TMEM63A: variants seen among roughly 807,000 people sequenced by gnomAD.
TMEM63A encodes transmembrane protein 63A.
In TMEM63A, 76 loss-of-function variants were observed where a neutral mutation model predicts 100.6. The observed-to-expected ratio is 0.76, with a 90% CI of 0.63 to 0.91. TMEM63A has a LOEUF of 0.91. Ranked by LOEUF, TMEM63A falls within the 40% of genes least tolerant of loss-of-function variation. The probability of loss-of-function intolerance (pLI) is 0.00; values close to 1 mark genes in which losing one functional copy is unlikely to be tolerated. For synonymous variants in TMEM63A, 401 were observed against 401.1 expected, an observed-to-expected ratio of 1.00 and a Z score of 0.00; for missense variants, 876 against 1,008.8, an observed-to-expected ratio of 0.87 and a Z score of 1.78.
intron 15 of TMEM63A, among the ~76,000 whole-genome samples, chr1:225,857,928 G>GATAGATATAC (rs1214499512): frequency 6.6e-6 from 1 of 152,204 alleles, no homozygotes; most frequent in Non-Finnish European, 1.5e-5. Flanking sequence ...TACTTAGGTA[G>GATAGATATAC]TTTAAAACTA....
intron 15 of TMEM63A, among the ~76,000 whole-genome samples, chr1:225,857,376 C>CGGGGTGG (rs1213111924): frequency 4.6e-3 from 15 of 3,256 alleles, no homozygotes; most frequent in African/African-American, 9.3e-3. Context: ...GAGTCCTGGC[C>CGGGGTGG]GGCGGGGCGG....
intron 21 of TMEM63A, 71 bp downstream of exon 21, chr1:225,849,841 G>A: frequency 1.3e-6 from 2 of 1,557,162 alleles, no homozygotes; most frequent in South Asian, 2.4e-5. Flanking sequence ...AGCAATGAGG[G>A]ATCTGACTGG....
At position 225,852,644 on chromosome 1, in the gene TMEM63A, C is replaced by T; in HGVS notation, c.1903+20G>A. On this transcript the variant is annotated intron_variant, in intron 20 of 24. Transcript: ENST00000366835. ...GTCCATGTACCCATGTACCCTGGGA[C>T]AGGCTCCAGGGCCACTCACCAAATG... The T allele has an allele frequency of 6.2e-7, 1 of 1,611,210 alleles. No individual in the cohort carries two copies. Among genetic ancestry groups the T allele is most frequent in the Non-Finnish European group, 8.5e-7 (1 of 1,178,996 alleles).
intron 6 of TMEM63A, among the ~76,000 whole-genome samples, chr1:225,869,666 C>CTTTTCTTTTTTTTTTT (rs76862516): frequency 9.1e-6 from 1 of 109,906 alleles, no homozygotes; most frequent in Non-Finnish European, 1.7e-5. Flanking sequence ...CTTTTCTTTT[C>CTTTTCTTTTTTTTTTT]TTTTTTTTTT....
rs1670250269 is a variant in TMEM63A, at chr1:225,867,019, C to T, written c.566+93G>A. The T allele has an allele frequency of 8.2e-6, 11 of 1,348,992 alleles. No homozygotes were observed. Among genetic ancestry groups the T allele is most frequent in the Non-Finnish European group, 1.2e-5 (11 of 939,286 alleles). 83.6% of individuals were successfully genotyped at this position (1,348,992 alleles called of 1,614,324 possible). A position where few individuals can be genotyped will look rare whatever the true frequency, so the allele number is the denominator to read the frequency against. ...GGGGCCTTCAGATACCAGCCGGCCC[C>T]CTTTGGAGTACCTCTGGCCTGCCCC... On this transcript the variant is annotated intron_variant, in intron 8 of 24. Coordinates refer to ENST00000366835, the MANE Select transcript of TMEM63A (RefSeq NM_014698.3). The surrounding 1 kb of genome is among the most constrained non-coding windows in gnomAD (Gnocchi z 4.6).
chr1:225,845,045 G>A (rs748227782), downstream of TMEM63A: 8 of 1,245,696 alleles, frequency 6.4e-6, no homozygotes, highest in Non-Finnish European at 9.4e-6. Flanking sequence ...CTTGTGGGTG[G>A]GCCAGCTGAT....
At chr1:225,873,417 C>T (rs1217644882) in intron 4 of TMEM63A, among the ~76,000 whole-genome samples, 1 of 152,150 alleles carries the variant, frequency 6.6e-6, no homozygotes, top group African/African-American at 2.4e-5. Context: ...AGGACCCTGC[C>T]GCACAGGCCA....
At chr1:225,845,497 A>G, downstream of TMEM63A, 1 of 740,634 alleles carries the variant, frequency 1.4e-6, no homozygotes, top group Non-Finnish European at 2.2e-6. Context: ...CTCCAAGCTC[A>G]CTCCCCAACC....
chr1:225,845,211 A>T, downstream of TMEM63A: 2 of 1,614,104 alleles, frequency 1.2e-6, no homozygotes, highest in Non-Finnish European at 1.7e-6. Context: ...ACGCCTGAAA[A>T]GTGGGTGAGG....
intron 2 of TMEM63A, 34 bp from the exon 3 acceptor site, chr1:225,877,628 T>G: frequency 6.4e-7 from 1 of 1,565,190 alleles, no homozygotes; most frequent in East Asian, 2.3e-5. Context: ...AGGCAGACGT[T>G]CAGGGCTCAA....
rs1166848171 is a variant in TMEM63A at position 225,856,896 on chromosome 1, C to G, written c.1484+15G>C. 2 of 1,608,728 alleles carry G rather than the reference C, an allele frequency of 1.2e-6. No homozygotes were observed. The highest frequency in any genetic ancestry group is 1.7e-5 in the Admixed American group (1 of 58,472). ...CCTTCTTAGGGGCAGGGCCTCGGGGCTCCCGGGCACTCACTTGGTCCAGTG... is the reference window on the plus strand; with the variant it reads ...CCTTCTTAGGGGCAGGGCCTCGGGGGTCCCGGGCACTCACTTGGTCCAGTG... On this transcript the variant is annotated intron_variant, in intron 16 of 24. Coordinates refer to ENST00000366835, the MANE Select transcript of TMEM63A (RefSeq NM_014698.3).
At chr1:225,841,120 G>A (rs565298981), downstream of TMEM63A, 9 of 152,212 alleles carry the variant, frequency 5.9e-5, no homozygotes, top group South Asian at 2.1e-4. Flanking sequence ...GATGCCCCTC[G>A]GGGTTCTCTC....
downstream of TMEM63A, chr1:225,844,642 A>C: frequency 1.2e-6 from 2 of 1,613,572 alleles, no homozygotes; most frequent in Non-Finnish European, 1.7e-6. Context: ...GGCTGAGCCG[A>C]GAACAGGGGC....
At chr1:225,869,958 G>A (rs1370292300) in intron 6 of TMEM63A, among the ~76,000 whole-genome samples, 1 of 151,968 alleles carries the variant, frequency 6.6e-6, no homozygotes, top group Non-Finnish European at 1.5e-5. Context: ...ACCGCAGCCG[G>A]CCATATTTCA....
rs769970349 is a variant in TMEM63A at position 225,862,244 on chromosome 1, G to A, written c.1059C>T (p.Thr353=). 2.4e-5 allele frequency: 39 copies of A among 1,614,150 alleles called. No homozygotes were observed. In the South Asian group the frequency reaches 3.8e-4, roughly 16 times the overall value. ...AGGTGGCCATGGACTTCTCCTGGAA[G>A]GTGACGAAGGCCATTCCCAGGGGCT... is the stretch of plus-strand genomic sequence containing the variant. The part of the protein sequence containing the change: ...QDQPLGMAFV[T]FQEKSMATYI... The change falls in exon 13 of 25, where the codon ACC becomes ACT. Residue 353 remains threonine (T), a synonymous_variant. Transcript: ENST00000366835. This position sits in a 1 kb window ranked among gnomAD's most constrained non-coding sequence, Gnocchi z 5.1.
intron 10 of TMEM63A, chr1:225,863,935 A>C (rs1670072624): frequency 6.7e-6 from 1 of 150,056 alleles, no homozygotes; most frequent in Non-Finnish European, 1.5e-5. Flanking sequence ...AAAAAAAAAA[A>C]AAAAACCCAG....
rs80287818 is a variant in TMEM63A, at chr1:225,867,996, C to A, written c.406G>T (p.Ala136Ser). The A allele has an allele frequency of 6.2e-7, 1 of 1,613,780 alleles. No homozygotes were observed. Among genetic ancestry groups the A allele is most frequent in the African/African-American group, 1.3e-5 (1 of 75,020 alleles). ...CTCTGGAAGGACAGGTAGTGGATGG[C>A]GTCCTCCCCACACCATTCCAGGATC... ...DQILEWCGEDAIHYLSFQRHI... is the reference protein window; with the variant it reads ...DQILEWCGEDSIHYLSFQRHI... The change falls in exon 7 of 25, where the codon GCC becomes TCC. Residue 136 changes from alanine to serine, a missense_variant. By Grantham distance (99) the Ala-to-Ser change is moderately conservative. Around this residue, in one of 5 missense-constraint regions of TMEM63A, gnomAD observed 487 missense variants for 581.9 expected, o/e 0.84. Coordinates refer to ENST00000366835, the MANE Select transcript of TMEM63A (RefSeq NM_014698.3). This position sits in a 1 kb window ranked among gnomAD's most constrained non-coding sequence, Gnocchi z 4.6.
rs148053403 is a variant in TMEM63A, at chr1:225,877,272, C to A, written c.186+123G>T. On this transcript the variant is annotated intron_variant, in intron 3 of 24. Coordinates refer to ENST00000366835, the MANE Select transcript of TMEM63A (RefSeq NM_014698.3). Reference sequence around the variant, plus strand: ...ACGCCTAAGTCACAGAGCTGGTAAGCAGCAGAGTTGAGATTTAAACCCAGC... The same window carrying A: ...ACGCCTAAGTCACAGAGCTGGTAAGAAGCAGAGTTGAGATTTAAACCCAGC... 614 of 1,106,164 alleles carry A rather than the reference C, an allele frequency of 5.6e-4. 3 individuals carry two copies. The African/African-American group carries it at 8.8e-3, about 16-fold the overall frequency. The allele number at this position is 1,106,164 out of a possible 1,614,324, so 68.5% of individuals were successfully genotyped here. A position where few individuals can be genotyped will look rare whatever the true frequency, so the allele number is the denominator to read the frequency against.
intron 17 of TMEM63A, 116 bp from the exon 18 acceptor site, chr1:225,856,056 T>G: frequency 9.5e-7 from 1 of 1,056,992 alleles, no homozygotes. Context: ...TGACTTTTGT[T>G]CTCAACGATG....
Sources: allele counts gnomAD v4.1 joint callset (sites outside exome capture counted in the v4.1 genomes callset), GRCh38; gene constraint gnomAD v4.1.1; regional missense constraint gnomAD v4.1.1; non-coding constraint Gnocchi (gnomAD v3.1); transcripts MANE v1.5; gene names NCBI Gene and HGNC (gene_info 2026-07-23, HGNC 2026-07-21).